DLST: variants seen among roughly 807,000 people sequenced by gnomAD.
DLST encodes dihydrolipoamide S-succinyltransferase.
Under a neutral mutation model 53.1 loss-of-function variants are expected in DLST, and 17 were observed. The ratio of observed to expected loss-of-function variants is 0.32; its 90% CI spans 0.22 to 0.48. DLST has a LOEUF of 0.48. Ranked by LOEUF, DLST falls within the 20% of genes least tolerant of loss-of-function variation. The pLI, the probability that DLST is intolerant of heterozygous loss-of-function variation, is 0.99. For missense variants in DLST, 512 were observed against 583.9 expected (o/e 0.88, Z 1.27); for synonymous variants, 206 against 204.8 (o/e 1.01, Z -0.05).
In DLST at chr14:74,902,673, C is replaced by T. The variant is rs2140206228; in HGVS notation, c.*343C>T. On this transcript the variant is annotated 3_prime_UTR_variant, in exon 15 of 15. Coordinates refer to ENST00000334220, the MANE Select transcript of DLST (RefSeq NM_001933.5). ...TAGTGCTGGTATACTATAGAGAAAC[C>T]CCTGGGGACCATGTGATTAAGTTCC... 2 of 179,916 alleles carry T rather than the reference C, an allele frequency of 1.1e-5. No homozygotes were observed. Among genetic ancestry groups the T allele is most frequent in the South Asian group, 1.9e-4 (1 of 5,300 alleles). 11.1% of individuals were successfully genotyped at this position (179,916 alleles called of 1,614,324 possible).
chr14:74,902,337 C>A lies in DLST; in HGVS notation c.*7C>A. On this transcript the variant is annotated 3_prime_UTR_variant, in exon 15 of 15. Transcript: ENST00000334220. ...CCTCCTCCTGGATCTTTAGGAGGAA[C>A]CCACACACCCTACAAGTTGATCATG... 1 of 1,607,268 alleles carries A rather than the reference C, an allele frequency of 6.2e-7. No homozygotes were observed. The highest frequency in any genetic ancestry group is 8.5e-7 in the Non-Finnish European group (1 of 1,176,258).
chr14:74,885,739 G>A, intron 3 of DLST, 105 bp downstream of exon 3: 1 of 1,060,576 alleles, frequency 9.4e-7, no homozygotes, highest in South Asian at 1.5e-5. Context: ...TCCAGACCTA[G>A]AAATTGAGGT....
chr14:74,895,674 T>G (rs1006609214), intron 10 of DLST, among the ~76,000 whole-genome samples: 6 of 151,914 alleles, frequency 3.9e-5, no homozygotes, highest in Non-Finnish European at 7.4e-5. Context: ...CTGAGGTGGG[T>G]GGATCACATG....
chr14:74,903,253 C>T lies in DLST; in HGVS notation c.*923C>T, dbSNP rs550196614. The stretch of plus-strand genomic sequence containing the variant: ...TCTCCTCTAGACTGACTCACATTGC[C>T]TTGAGCTTTTCAGTTAAGTTGCTGT... On this transcript the variant is annotated 3_prime_UTR_variant, in exon 15 of 15. Transcript: ENST00000334220. 6.5e-6 allele frequency: 1 copy of T among 152,796 alleles called. No homozygotes were observed. The highest frequency in any genetic ancestry group is 2.1e-4 in the South Asian group (1 of 4,820). 9.5% of individuals were successfully genotyped at this position (152,796 alleles called of 1,614,324 possible). A position where few individuals can be genotyped will look rare whatever the true frequency, so the allele number is the denominator to read the frequency against.
At chr14:74,887,441 T>C (rs577413280) in intron 3 of DLST, among the ~76,000 whole-genome samples, 49 of 152,214 alleles carry the variant, frequency 3.2e-4, no homozygotes, top group Non-Finnish European at 6.2e-4. Context: ...AAGTAAACTT[T>C]GTGTGGGATC....
Position 74,896,984 on chromosome 14 carries a change from C to G in DLST, c.771-1385C>G, listed in dbSNP as rs537166579. On this transcript the variant is annotated intron_variant, in intron 10 of 14. Transcript: ENST00000334220. ...GCTGATCAGCTAACCCATAAGGGAC[C>G]TTTCTGAGACCTTCTCCCTTCCTCT... 3.3e-5 allele frequency among the ~76,000 whole-genome samples: 5 copies of G among 152,316 alleles called. No individual in the cohort carries two copies. In the East Asian group the frequency reaches 5.8e-4, roughly 18 times the overall value.
At chr14:74,891,347 A>G in intron 7 of DLST, 180 bp downstream of exon 7, 1 of 1,378,656 alleles carries the variant, frequency 7.3e-7, no homozygotes, top group Non-Finnish European at 9.4e-7. Context: ...TCTAAAAGAA[A>G]AGTGTATTTT....
chr14:74,885,532 T>G lies in DLST; in HGVS notation c.98-54T>G, dbSNP rs961690259. On this transcript the variant is annotated intron_variant, in intron 2 of 14. Coordinates refer to ENST00000334220, the MANE Select transcript of DLST (RefSeq NM_001933.5). The stretch of plus-strand genomic sequence containing the variant: ...GAGCAGACCTTTTCCATTCCCAGCA[T>G]GTATCCTTTGTGAGATAAGAGTTGT... 4.0e-5 allele frequency: 63 copies of G among 1,579,502 alleles called. 1 individual carries two copies. The South Asian group carries it at 6.9e-4, about 17-fold the overall frequency.
At chr14:74,883,690 T>G (rs1883610584) in intron 2 of DLST, among the ~76,000 whole-genome samples, 1 of 152,172 alleles carries the variant, frequency 6.6e-6, no homozygotes, top group Non-Finnish European at 1.5e-5. Context: ...TAAAAAGTAT[T>G]TTCTCTATTT....
chr14:74,894,497 A>C, intron 10 of DLST, 88 bp downstream of exon 10: 1 of 1,312,920 alleles, frequency 7.6e-7, no homozygotes, highest in Non-Finnish European at 1.1e-6. Context: ...GCTGATTCTA[A>C]AACTAACTTG....
At chr14:74,892,716 G>C (rs1230750226) in intron 7 of DLST, 118 bp from the exon 8 acceptor site, 12 of 986,780 alleles carry the variant, frequency 1.2e-5, no homozygotes, top group Non-Finnish European at 1.7e-5. Flanking sequence ...TTTGCATATT[G>C]CTGATACCCA....
In DLST at chr14:74,898,511, G is replaced by A. The variant is rs1243411675; in HGVS notation, c.901+12G>A. On this transcript the variant is annotated intron_variant, in intron 11 of 14. Transcript: ENST00000334220. ...TGTTGTAAATGCAGGTGAGTTGCTT[G>A]TGGCTGGAATTGGAGAGGTCCTGGG... 1.5e-5 allele frequency: 25 copies of A among 1,613,678 alleles called. No homozygotes were observed. The highest frequency in any genetic ancestry group is 2.0e-5 in the Non-Finnish European group (24 of 1,179,794).
rs565244324 is a variant in DLST, at chr14:74,883,030, G to C, written c.97+406G>C. Among the ~76,000 whole-genome samples, 275 of 152,324 alleles carry C rather than the reference G, an allele frequency of 1.8e-3. 1 individual carries two copies. The highest frequency in any genetic ancestry group is 3.4e-3 in the Middle Eastern group (1 of 294). Reference sequence around the variant, plus strand: ...ATGGCCATGGCCGGGCGCGGTGGCTGACGCCTGTAATCCCAGCACTCTGGG... The same window carrying C: ...ATGGCCATGGCCGGGCGCGGTGGCTCACGCCTGTAATCCCAGCACTCTGGG... On this transcript the variant is annotated intron_variant, in intron 2 of 14. Transcript: ENST00000334220.
rs1339322503 is a variant in DLST at position 74,889,333 on chromosome 14, T to C, written c.258T>C (p.Asp86=). The C allele has an allele frequency of 1.2e-6, 2 of 1,609,782 alleles. No homozygotes were observed. Among genetic ancestry groups the C allele is most frequent in the African/African-American group, 1.3e-5 (1 of 74,628 alleles). ...PAFAESVTEG[D]VRWEKAVGDT... ...TTGCAGAATCTGTCACAGAGGGAGA[T>C]GTCAGGTGGGAGAAAGGTAAGATTT... The change falls in exon 5 of 15, where the codon GAT becomes GAC. Residue 86 remains aspartate, a synonymous_variant. Transcript: ENST00000334220.
intron 10 of DLST, among the ~76,000 whole-genome samples, chr14:74,894,768 C>T (rs1015374378): frequency 5.9e-5 from 9 of 151,908 alleles, no homozygotes; most frequent in Admixed American, 1.3e-4. Flanking sequence ...AGGATGGTCT[C>T]GATCTCCTGA....
At chr14:74,882,332 C>T (rs1030921569) in intron 1 of DLST, among the ~76,000 whole-genome samples, 2 of 152,244 alleles carry the variant, frequency 1.3e-5, no homozygotes, top group Non-Finnish European at 2.9e-5. Flanking sequence ...CGGCGGAGTC[C>T]TCCGGCGGGA....
intron 10 of DLST, among the ~76,000 whole-genome samples, chr14:74,897,077 C>T (rs1462557259): frequency 6.6e-6 from 1 of 152,184 alleles, no homozygotes; most frequent in Non-Finnish European, 1.5e-5. Flanking sequence ...CAGACAATAA[C>T]ATTTGGGCAG....
intron 6 of DLST, 109 bp downstream of exon 6, chr14:74,890,061 A>T: frequency 1.2e-6 from 1 of 801,826 alleles, no homozygotes. Context: ...AACTAGCTCT[A>T]ACTTCAGTTG....
At chr14:74,883,163 C>T (rs1883588706) in intron 2 of DLST, among the ~76,000 whole-genome samples, 1 of 152,126 alleles carries the variant, frequency 6.6e-6, no homozygotes, top group Non-Finnish European at 1.5e-5. Flanking sequence ...GGCGTGGTGG[C>T]AGGCGCCTGT....
Sources: allele counts gnomAD v4.1 joint callset (sites outside exome capture counted in the v4.1 genomes callset), GRCh38; gene constraint gnomAD v4.1.1; transcripts MANE v1.5; gene names NCBI Gene and HGNC (gene_info 2026-07-23, HGNC 2026-07-21).